Variants in NDC1 observed in about 807,000 individuals in gnomAD.
NDC1 encodes nucleoporin NDC1.
Under a neutral mutation model 89.8 loss-of-function variants are expected in NDC1, and 24 were observed. That is an observed-to-expected ratio of 0.27 (90% CI 0.19 to 0.38). NDC1 has a LOEUF of 0.38. Among genes scored for constraint, NDC1 ranks in the 10% least tolerant of loss-of-function variants. NDC1 has a pLI of 1.00. For synonymous variants in NDC1, 296 were observed against 284.8 expected (o/e 1.04, Z -0.39); for missense variants, 728 against 797.6 (o/e 0.91, Z 1.05).
chr1:53,835,288 T>A (rs1036162977), intron 2 of NDC1, among the ~76,000 whole-genome samples: 1 of 152,214 alleles, frequency 6.6e-6, no homozygotes, highest in South Asian at 2.1e-4. Context: ...GTTCCTATGA[T>A]CACAGTCTTT....
At chr1:53,807,025 T>C (rs11801519) in intron 8 of NDC1, among the ~76,000 whole-genome samples, 2,824 of 151,998 alleles carry the variant, frequency 0.019, 92 homozygotes, top group African/African-American at 0.065. Flanking sequence ...GGACAGATCA[T>C]TTTGAGGTCA....
chr1:53,789,609 C>T (rs1322739027), intron 14 of NDC1, among the ~76,000 whole-genome samples: 2 of 151,884 alleles, frequency 1.3e-5, no homozygotes. Context: ...ACCAGCCTGG[C>T]CAATATAGTG....
rs374351523 is a variant in NDC1 at position 53,806,021 on chromosome 1, C to T, written c.984+404G>A. On this transcript the variant is annotated intron_variant, in intron 9 of 17. Coordinates refer to ENST00000371429, the MANE Select transcript of NDC1 (RefSeq NM_018087.5). ...CCCGGGAGGCGGAGCTTGCAGTGAG[C>T]CGAGATCGCGCCACTGCACTCCAGC... Among the ~76,000 whole-genome samples, 1,085 of 141,516 alleles carry T rather than the reference C, an allele frequency of 7.7e-3. 8 individuals carry two copies. The highest frequency in any genetic ancestry group is 0.022 in the African/African-American group (868 of 39,750). The allele number at this position is 141,516 out of a possible 152,430, so 92.8% of individuals were successfully genotyped here.
intron 5 of NDC1, among the ~76,000 whole-genome samples, chr1:53,821,083 T>C (rs749978416): frequency 6.6e-6 from 1 of 152,050 alleles, no homozygotes; most frequent in East Asian, 1.9e-4. Flanking sequence ...CAAATAATTA[T>C]AGTATTCAGA....
chr1:53,827,276 A>AG (rs1228367316), intron 4 of NDC1, among the ~76,000 whole-genome samples: 1 of 151,672 alleles, frequency 6.6e-6, no homozygotes, highest in East Asian at 1.9e-4. Context: ...TTAAAAAAAA[A>AG]AAAAAAAAAA....
At chr1:53,787,516 A>T (rs1450666995) in intron 15 of NDC1, among the ~76,000 whole-genome samples, 1 of 151,710 alleles carries the variant, frequency 6.6e-6, no homozygotes, top group Non-Finnish European at 1.5e-5. Context: ...CCACAAACCT[A>T]TAGTCCCAGC....
intron 6 of NDC1, among the ~76,000 whole-genome samples, chr1:53,814,414 A>G (rs1482910371): frequency 6.6e-6 from 1 of 152,164 alleles, no homozygotes; most frequent in Non-Finnish European, 1.5e-5. Context: ...CAATAATGAC[A>G]CAACCTATCA....
chr1:53,830,391 T>C (rs1420385798), intron 3 of NDC1, among the ~76,000 whole-genome samples: 1 of 148,414 alleles, frequency 6.7e-6, no homozygotes, highest in Non-Finnish European at 1.5e-5. Flanking sequence ...GAGGTGGAGG[T>C]TGCAGTGAGC....
At chr1:53,791,308 A>G (rs1407396306) in intron 14 of NDC1, among the ~76,000 whole-genome samples, 1 of 151,980 alleles carries the variant, frequency 6.6e-6, no homozygotes, top group Non-Finnish European at 1.5e-5. Context: ...AGTCCCAACT[A>G]CTCAGGAGGC....
At chr1:53,829,628 T>C (rs1405445480) in intron 3 of NDC1, among the ~76,000 whole-genome samples, 1 of 152,184 alleles carries the variant, frequency 6.6e-6, no homozygotes, top group Non-Finnish European at 1.5e-5. Flanking sequence ...CTCCACACAA[T>C]GCATGGCATA....
chr1:53,807,133 G>A (rs1648135466), intron 8 of NDC1, among the ~76,000 whole-genome samples: 1 of 150,926 alleles, frequency 6.6e-6, no homozygotes, highest in African/African-American at 2.4e-5. Context: ...TGTAGTCCCA[G>A]CTACTCGGGA....
In NDC1 at chr1:53,796,804, T is replaced by C. The variant is rs781422428; in HGVS notation, c.1469A>G (p.Asp490Gly). 5.0e-6 allele frequency: 8 copies of C among 1,605,982 alleles called. No homozygotes were observed. The African/African-American group carries it at 6.7e-5, about 14-fold the overall frequency. Residue 490 changes from aspartate (D) to glycine (G), a missense_variant and splice_region_variant, in exon 13 of 18, where the codon GAT becomes GGT. Physicochemically the swap from Asp to Gly is moderately conservative, Grantham distance 94. Coordinates refer to ENST00000371429, the MANE Select transcript of NDC1 (RefSeq NM_018087.5). ...ATTAGAAAATTCAGTCATTTGCTGA[T>C]CTATTTTTAAAAAAGAAAAGGCAAG... The part of the protein sequence containing the change: ...RGPRLWTSAS[D>G]QQMTEFSNPS...
At chr1:53,802,858 A>C (rs1395159335) in intron 10 of NDC1, among the ~76,000 whole-genome samples, 1 of 152,142 alleles carries the variant, frequency 6.6e-6, no homozygotes, top group Non-Finnish European at 1.5e-5. Flanking sequence ...TCACCATTGA[A>C]TCTAGTTTCT....
intron 13 of NDC1, among the ~76,000 whole-genome samples, chr1:53,794,795 AG>A (rs1231736438): frequency 6.6e-6 from 1 of 152,074 alleles, no homozygotes; most frequent in African/African-American, 2.4e-5. Context: ...GGATCACTTG[AG>A]CCCGGGAGTT....
intron 16 of NDC1, among the ~76,000 whole-genome samples, chr1:53,777,905 G>A (rs528426115): frequency 1.1e-3 from 166 of 152,136 alleles, no homozygotes; most frequent in African/African-American, 3.8e-3. Flanking sequence ...TGTTGGAGAC[G>A]GGATTTCACC....
At chr1:53,781,189 G>A (rs374956663) in intron 16 of NDC1, among the ~76,000 whole-genome samples, 2 of 152,102 alleles carry the variant, frequency 1.3e-5, no homozygotes, top group South Asian at 4.2e-4. Context: ...TATCATTTTG[G>A]TTCCTAACAT....
intron 5 of NDC1, among the ~76,000 whole-genome samples, chr1:53,820,726 T>G (rs1648643588): frequency 7.0e-6 from 1 of 143,694 alleles, no homozygotes; most frequent in Non-Finnish European, 1.5e-5. Flanking sequence ...TTTTTTTTTT[T>G]GGAGATAAGA....
intron 10 of NDC1, among the ~76,000 whole-genome samples, chr1:53,803,394 T>C (rs531000301): frequency 7.3e-5 from 11 of 151,510 alleles, no homozygotes; most frequent in African/African-American, 2.7e-4. Context: ...AAGCTGTATT[T>C]TTCTGCCCTA....
chr1:53,770,637 A>T (rs2100614848), intron 17 of NDC1, among the ~76,000 whole-genome samples: 2 of 150,512 alleles, frequency 1.3e-5, no homozygotes, highest in South Asian at 4.2e-4. Context: ...ATAATTTTTA[A>T]TCAGTCATCT....
Sources: gnomAD v4.1 joint callset for allele counts (sites outside exome capture counted in the v4.1 genomes callset) on GRCh38, gnomAD v4.1.1 for gene constraint, MANE v1.5 for transcripts, NCBI Gene and HGNC (gene_info 2026-07-23, HGNC 2026-07-21) for gene names.